The following HTRA3 variants were observed in gnomAD, a reference collection of about 807,000 sequenced individuals.
The protein encoded by HTRA3 is HtrA serine peptidase 3.
A neutral mutation model predicts 43.2 loss-of-function variants in HTRA3; 41 were observed. The observed-to-expected ratio is 0.95, with a 90% CI of 0.74 to 1.23. The LOEUF is 1.23. HTRA3 is among the 50% of genes most tolerant of loss of function. HTRA3 has a pLI of 0.00. For missense variants in HTRA3, 628 were observed against 647.1 expected (o/e 0.97, Z 0.32); for synonymous variants, 295 against 287.9 (o/e 1.02, Z -0.25).
At chr4:8,293,489 G>C (rs1713321630) in intron 5 of HTRA3, among the ~76,000 whole-genome samples, 1 of 152,182 alleles carries the variant, frequency 6.6e-6, no homozygotes, top group East Asian at 1.9e-4. Context: ...CTGACAGGGA[G>C]GGCAGGGCTA....
intron 5 of HTRA3, 121 bp downstream of exon 5, chr4:8,292,474 G>A (rs556796165): frequency 3.1e-5 from 26 of 846,748 alleles, no homozygotes; most frequent in Middle Eastern, 2.4e-4. Flanking sequence ...ACCAACAGTC[G>A]GGAGTGCAGC....
rs1009991232 is a variant in HTRA3, at chr4:8,279,577, C to T, written c.386-2860C>T. Among the ~76,000 whole-genome samples the T allele has an allele frequency of 3.9e-5, 6 of 152,108 alleles. No individual in the cohort carries two copies. The highest frequency in any genetic ancestry group is 2.0e-4 in the Admixed American group (3 of 15,268). On this transcript the variant is annotated intron_variant, in intron 1 of 8. Transcript: ENST00000307358. The surrounding 1 kb of genome is among the most constrained non-coding windows in gnomAD (Gnocchi z 7.4). ...ACACGTTGGGGTCCAGAGAGCTTTC[C>T]GGCCCTGGGTGTTGGAGTGTCTGAG... is the stretch of plus-strand genomic sequence containing the variant.
chr4:8,286,648 C>T lies in HTRA3; in HGVS notation c.573C>T (p.His191=), dbSNP rs370723674. 51 of 1,614,054 alleles carry T rather than the reference C, an allele frequency of 3.2e-5. No homozygotes were observed. In the Admixed American group the frequency reaches 4.0e-4, roughly 13 times the overall value. ...SEAGLIITNA[H]VVSSNSAAPG... is the part of the protein sequence containing the mutation. ...CCGGCCTGATCATCACCAATGCCCA[C>T]GTGGTGTCCAGCAACAGTGCTGCCC... The change falls in exon 3 of 9, where the codon CAC becomes CAT. Residue 191 remains histidine (H), a synonymous_variant. Coordinates refer to ENST00000307358, the MANE Select transcript of HTRA3 (RefSeq NM_053044.5). This position sits in a 1 kb window ranked among gnomAD's most constrained non-coding sequence, Gnocchi z 4.9.
chr4:8,295,955 C>G lies in HTRA3; in HGVS notation c.1051+1754C>G. 8.2e-7 allele frequency: 1 copy of G among 1,217,182 alleles called. No homozygotes were observed. The highest frequency in any genetic ancestry group is 3.3e-5 in the East Asian group (1 of 30,690). 75.4% of individuals were successfully genotyped at this position (1,217,182 alleles called of 1,614,324 possible). On this transcript the variant is annotated intron_variant, in intron 6 of 8. Transcript: ENST00000307358. The surrounding 1 kb of genome is among the most constrained non-coding windows in gnomAD (Gnocchi z 6.9). ...TTGAACAGTGGGGACCATCTAATCT[C>G]TTGAGCCCTTTTCCTGTTGGCTTCT... is the stretch of plus-strand genomic sequence containing the variant.
At position 8,270,406 on chromosome 4, in the gene HTRA3, T is replaced by A. The variant is rs569513913; in HGVS notation, c.385+53T>A. ...TGAAGCTTCTTTCTCTTGGGGAAAC[T>A]AAGGCCGGGAGTTAGGGCCGAGCTC... is the stretch of plus-strand genomic sequence containing the variant. On this transcript the variant is annotated intron_variant, in intron 1 of 8. Transcript: ENST00000307358. The A allele has an allele frequency of 4.4e-6, 6 of 1,361,670 alleles. No individual in the cohort carries two copies. In the African/African-American group the frequency reaches 9.2e-5, roughly 21 times the overall value. 84.3% of individuals were successfully genotyped at this position (1,361,670 alleles called of 1,614,324 possible).
chr4:8,285,256 C>G (rs1379215660), intron 2 of HTRA3, among the ~76,000 whole-genome samples: 3 of 152,208 alleles, frequency 2.0e-5, no homozygotes, highest in African/African-American at 4.8e-5. Context: ...AGGACTTGGC[C>G]GTATCTCTTG....
chr4:8,283,288 G>C (rs529630746), intron 2 of HTRA3, among the ~76,000 whole-genome samples: 1 of 152,170 alleles, frequency 6.6e-6, no homozygotes, highest in East Asian at 1.9e-4. Flanking sequence ...GGTGTGTACC[G>C]TGTGGCTTCA....
At chr4:8,303,734 ACT>A (rs1390323336) in intron 7 of HTRA3, among the ~76,000 whole-genome samples, 1 of 150,966 alleles carries the variant, frequency 6.6e-6, no homozygotes, top group Non-Finnish European at 1.5e-5. Context: ...CTGTTCCATG[ACT>A]CAGCATTGTC....
intron 1 of HTRA3, 142 bp from the exon 2 acceptor site, chr4:8,282,295 G>T (rs1214605890): frequency 3.0e-6 from 2 of 668,676 alleles, no homozygotes; most frequent in East Asian, 5.5e-5. Context: ...TCCCCAACGG[G>T]CTCAGTGTGG....
intron 1 of HTRA3, among the ~76,000 whole-genome samples, chr4:8,274,271 C>T (rs192352413): frequency 1.5e-3 from 225 of 152,346 alleles, no homozygotes; most frequent in Non-Finnish European, 2.0e-3. Flanking sequence ...CTTGCCTTAG[C>T]GTGGTGGGTT....
chr4:8,284,558 C>T (rs192436809), intron 2 of HTRA3, among the ~76,000 whole-genome samples: 14 of 152,346 alleles, frequency 9.2e-5, no homozygotes, highest in South Asian at 2.1e-4. Flanking sequence ...TGGGCAGCCG[C>T]GGGCATTTTC....
At chr4:8,278,704 G>T (rs1188542076) in intron 1 of HTRA3, among the ~76,000 whole-genome samples, 1 of 152,208 alleles carries the variant, frequency 6.6e-6, no homozygotes, top group Non-Finnish European at 1.5e-5. Context: ...CCCTGCAGGG[G>T]TGCCCCAGGC....
chr4:8,292,357 A>G lies in HTRA3; in HGVS notation c.936+4A>G. The G allele has an allele frequency of 6.2e-7, 1 of 1,612,660 alleles. No homozygotes were observed. The highest frequency in any genetic ancestry group is 8.5e-7 in the Non-Finnish European group (1 of 1,179,170). ...CGGGGGACCACTGGTGAACCTGGTA[A>G]GTGTCCCCTAGAGCCAAAATCTCTC... On this transcript the variant is annotated splice_donor_region_variant and intron_variant, in intron 5 of 8. Coordinates refer to ENST00000307358, the MANE Select transcript of HTRA3 (RefSeq NM_053044.5).
chr4:8,280,805 C>T (rs1053488572), intron 1 of HTRA3, among the ~76,000 whole-genome samples: 15 of 152,176 alleles, frequency 9.9e-5, no homozygotes, highest in Admixed American at 4.6e-4. Context: ...CTGAAGTGGA[C>T]GAGGGCTGGT....
rs1713849845 is a variant in HTRA3, at chr4:8,306,340, G to A, written c.*204G>A. The A allele has an allele frequency of 1.8e-6, 1 of 559,738 alleles. No homozygotes were observed. Among genetic ancestry groups the A allele is most frequent in the Non-Finnish European group, 3.1e-6 (1 of 321,296 alleles). 34.7% of individuals were successfully genotyped at this position (559,738 alleles called of 1,614,324 possible). A position where few individuals can be genotyped will look rare whatever the true frequency, so the allele number is the denominator to read the frequency against. On this transcript the variant is annotated 3_prime_UTR_variant, in exon 9 of 9. Coordinates refer to ENST00000307358, the MANE Select transcript of HTRA3 (RefSeq NM_053044.5). The surrounding 1 kb of genome is among the most constrained non-coding windows in gnomAD (Gnocchi z 8.9). ...GTTGGATCCACATCCCGGTGCCGGG[G>A]AGGGAAGCCCAACATCCCCTTGTAC...
chr4:8,292,389 C>T, intron 5 of HTRA3, 36 bp downstream of exon 5: 1 of 1,595,760 alleles, frequency 6.3e-7, no homozygotes, highest in Non-Finnish European at 8.6e-7. Context: ...TCTCAGGTTT[C>T]TGGGGTTCTT....
In HTRA3 at chr4:8,306,031, G is replaced by T. The variant is rs760421189; in HGVS notation, c.1257G>T (p.Ser419=). ...TCAACGGGCGTCCTCTAGTGGACTC[G>T]AGTGAGCTGCAGGAGGCCGTGCTGA... ...VKVNGRPLVD[S]SELQEAVLTE... is the part of the protein sequence containing the mutation. The change falls in exon 9 of 9, where the codon TCG becomes TCT. Residue 419 remains serine (S), a synonymous_variant. Coordinates refer to ENST00000307358, the MANE Select transcript of HTRA3 (RefSeq NM_053044.5). This position sits in a 1 kb window ranked among gnomAD's most constrained non-coding sequence, Gnocchi z 8.9. 8.7e-6 allele frequency: 14 copies of T among 1,612,890 alleles called. No individual in the cohort carries two copies. The South Asian group carries it at 1.2e-4, about 14-fold the overall frequency.
chr4:8,276,740 C>T (rs1712539895), intron 1 of HTRA3, among the ~76,000 whole-genome samples: 1 of 152,192 alleles, frequency 6.6e-6, no homozygotes, highest in Admixed American at 6.5e-5. Flanking sequence ...CAGGCTGGCC[C>T]CACATTGAGC....
intron 1 of HTRA3, among the ~76,000 whole-genome samples, chr4:8,272,044 C>T (rs936713217): frequency 4.6e-5 from 7 of 152,164 alleles, no homozygotes; most frequent in Non-Finnish European, 7.3e-5. Context: ...TGCTGGGGTA[C>T]CTTTCCTGGG....
Sources: gnomAD v4.1 joint callset for allele counts (sites outside exome capture counted in the v4.1 genomes callset) on GRCh38, gnomAD v4.1.1 for gene constraint, Gnocchi (gnomAD v3.1) non-coding constraint, MANE v1.5 for transcripts, NCBI Gene and HGNC (gene_info 2026-07-23, HGNC 2026-07-21) for gene names.